USP33: variants seen among roughly 807,000 people sequenced by gnomAD.
The protein encoded by USP33 is ubiquitin specific peptidase 33, also known as ubiquitin carboxyl-terminal hydrolase 33.
In USP33, 46 loss-of-function variants were observed where a neutral mutation model predicts 124.2. That is an observed-to-expected ratio of 0.37 (90% CI 0.29 to 0.47). The LOEUF (loss-of-function observed/expected upper bound fraction) is 0.47. Ranked by LOEUF, USP33 falls within the 20% of genes least tolerant of loss-of-function variation. USP33 has a pLI of 0.99. For missense variants in USP33, 851 were observed against 1,070.6 expected (o/e 0.79, Z 2.86); for synonymous variants, 350 against 352.3 (o/e 0.99, Z 0.07).
intron 1 of USP33, among the ~76,000 whole-genome samples, chr1:77,748,608 G>T (rs1358532234): frequency 2.0e-5 from 3 of 151,468 alleles, no homozygotes; most frequent in Non-Finnish European, 2.9e-5. Context: ...GGCAGAGGCT[G>T]CAGTGAGCCA....
intron 12 of USP33, 81 bp downstream of exon 12, chr1:77,723,250 A>T: frequency 9.6e-7 from 1 of 1,041,750 alleles, no homozygotes; most frequent in Non-Finnish European, 1.5e-6. Flanking sequence ...AGAAGGAATT[A>T]AACTTTTCAC....
chr1:77,757,404 T>G (rs1680897314), intron 1 of USP33, among the ~76,000 whole-genome samples: 1 of 152,244 alleles, frequency 6.6e-6, no homozygotes, highest in Non-Finnish European at 1.5e-5. Flanking sequence ...ATATTGTTTC[T>G]TAAAGACTAG....
At chr1:77,718,546 C>A in intron 16 of USP33, 50 bp downstream of exon 16, 1 of 1,392,302 alleles carries the variant, frequency 7.2e-7, no homozygotes, top group Non-Finnish European at 1.0e-6. Context: ...TACATTAATA[C>A]TTTATGTTCC....
At chr1:77,732,175 T>C (rs1677902203) in intron 7 of USP33, among the ~76,000 whole-genome samples, 2 of 152,148 alleles carry the variant, frequency 1.3e-5, no homozygotes. Context: ...CAAAGTTATT[T>C]AAACTTCTGT....
At position 77,757,607 on chromosome 1, in the gene USP33, C is replaced by T. The variant is rs12093501; in HGVS notation, c.-52+2036G>A. On this transcript the variant is annotated intron_variant, in intron 1 of 23. Transcript: ENST00000370794. ...TTCCCTTCCTTTTTAGAAATGGTTA[C>T]ATTTCACATTTCTCACCAAAAATCT... is the stretch of plus-strand genomic sequence containing the variant. 4.6e-3 allele frequency among the ~76,000 whole-genome samples: 696 copies of T among 152,326 alleles called. 11 individuals are homozygous for T. The highest frequency in any genetic ancestry group is 0.016 in the African/African-American group (671 of 41,570).
chr1:77,758,466 G>T (rs981199421), intron 1 of USP33, among the ~76,000 whole-genome samples: 1 of 152,118 alleles, frequency 6.6e-6, no homozygotes, highest in Non-Finnish European at 1.5e-5. Flanking sequence ...GAGCCACCGT[G>T]CCCAGCCCTG....
At chr1:77,725,591 C>A in intron 11 of USP33, 31 bp downstream of exon 11, 2 of 1,608,510 alleles carry the variant, frequency 1.2e-6, no homozygotes, top group South Asian at 2.2e-5. Context: ...AGACCCAAAG[C>A]AAAAGAGACT....
intron 7 of USP33, among the ~76,000 whole-genome samples, chr1:77,732,804 T>TTTG (rs1384906249): frequency 1.2e-4 from 18 of 148,480 alleles, no homozygotes; most frequent in African/African-American, 4.2e-4. Flanking sequence ...TTTTTTTTTT[T>TTTG]TTTTTTTTTG....
At chr1:77,721,397 C>A (rs560738280) in intron 14 of USP33, 192 bp from the exon 15 acceptor site, 2 of 604,970 alleles carry the variant, frequency 3.3e-6, no homozygotes, top group Admixed American at 3.2e-5. Flanking sequence ...ACATTGAAGA[C>A]CTACCTCAAA....
At chr1:77,707,704 C>T (rs533680322) in intron 21 of USP33, among the ~76,000 whole-genome samples, 1 of 152,220 alleles carries the variant, frequency 6.6e-6, no homozygotes, top group South Asian at 2.1e-4. Context: ...TAAATACATT[C>T]ACAACCAGCC....
In USP33 at chr1:77,715,804, C is replaced by T; in HGVS notation, c.1983G>A (p.Gln661=). The change falls in exon 18 of 24, where the codon CAG becomes CAA. Residue 661 remains glutamine (Q), a synonymous_variant. Transcript: ENST00000370794. ...TAGATTCTGAAACTTCAGTGACACT[C>T]TGATCATCAAATTCATACCAGAGAT... The part of the protein sequence containing the change: ...LNNLWYEFDD[Q]SVTEVSESTV... 1 of 1,613,996 alleles carries T rather than the reference C, an allele frequency of 6.2e-7. No homozygotes were observed. The highest frequency in any genetic ancestry group is 1.7e-5 in the Admixed American group (1 of 60,030).
Position 77,713,180 on chromosome 1 carries a change from G to T in USP33, c.2297+20C>A, listed in dbSNP as rs868333727. On this transcript the variant is annotated intron_variant, in intron 20 of 23. Coordinates refer to ENST00000370794, the MANE Select transcript of USP33 (RefSeq NM_201624.3). ...TAACCGACTTTCACAACACTGTATG[G>T]TCTGATTTAAAAAACAAACCTGCTA... 3.8e-6 allele frequency: 6 copies of T among 1,591,982 alleles called. No individual in the cohort carries two copies. In the Middle Eastern group the frequency reaches 8.4e-4, roughly 222 times the overall value.
intron 6 of USP33, 42 bp downstream of exon 6, chr1:77,736,014 G>C: frequency 7.3e-7 from 1 of 1,374,666 alleles, no homozygotes; most frequent in Non-Finnish European, 1.0e-6. Flanking sequence ...CTAAAGAAAT[G>C]GGCAGTGCCA....
At chr1:77,741,313 GAT>G (rs1679091817) in intron 3 of USP33, 61 bp downstream of exon 3, 1 of 1,499,710 alleles carries the variant, frequency 6.7e-7, no homozygotes, top group Non-Finnish European at 9.0e-7. Flanking sequence ...TTCTGGTTAT[GAT>G]TATTCAGATC....
chr1:77,734,247 T>C, intron 7 of USP33, 100 bp downstream of exon 7: 1 of 877,300 alleles, frequency 1.1e-6, no homozygotes, highest in Non-Finnish European at 1.8e-6. Context: ...TCTTGCCTGT[T>C]CTACCTTGAG....
intron 1 of USP33, among the ~76,000 whole-genome samples, chr1:77,754,918 T>G (rs780642644): frequency 8.5e-5 from 13 of 152,260 alleles, no homozygotes; most frequent in Non-Finnish European, 1.8e-4. Context: ...TTGTAAATAT[T>G]AATTAGCATT....
intron 1 of USP33, among the ~76,000 whole-genome samples, chr1:77,758,354 G>C (rs535596137): frequency 6.6e-6 from 1 of 151,634 alleles, no homozygotes; most frequent in East Asian, 1.9e-4. Flanking sequence ...CTAATTTTTT[G>C]TAATTTTTAG....
intron 22 of USP33, 71 bp from the exon 23 acceptor site, chr1:77,698,002 C>A: frequency 1.6e-6 from 2 of 1,267,264 alleles, no homozygotes; most frequent in Admixed American, 2.0e-5. Context: ...TTGTGCTTGA[C>A]AAAATTGTGA....
chr1:77,703,713 T>C (rs1331432931), intron 21 of USP33, among the ~76,000 whole-genome samples: 2 of 152,182 alleles, frequency 1.3e-5, no homozygotes, highest in Admixed American at 6.6e-5. Flanking sequence ...ATGTTTCCCT[T>C]TTCCATTGTA....
Sources: allele counts gnomAD v4.1 joint callset (sites outside exome capture counted in the v4.1 genomes callset), GRCh38; gene constraint gnomAD v4.1.1; transcripts MANE v1.5; gene names NCBI Gene and HGNC (gene_info 2026-07-23, HGNC 2026-07-21).